NDRG1: variants seen among roughly 807,000 people sequenced by gnomAD.
NDRG1 encodes N-myc downstream regulated 1.
In NDRG1, 32 loss-of-function variants were observed where a neutral mutation model predicts 56.9. The observed-to-expected ratio is 0.56, with a 90% CI of 0.42 to 0.76. The LOEUF (loss-of-function observed/expected upper bound fraction) is 0.76, where lower values mean the gene tolerates loss of function less well. Among genes scored for constraint, NDRG1 ranks in the 30% least tolerant of loss-of-function variants. The pLI is 0.00. For missense variants in NDRG1, 507 were observed against 545.7 expected (o/e 0.93, Z 0.71); for synonymous variants, 211 against 204.1 (o/e 1.03, Z -0.29).
chr8:133,238,511 G>A lies in NDRG1; in HGVS notation c.*367C>T, dbSNP rs1162395929. On this transcript the variant is annotated 3_prime_UTR_variant, in exon 16 of 16. Transcript: ENST00000323851. ...CGGCTGGCCTTCTGACCAGGCACCC[G>A]TTTGAACCAGGATGCTCAGGGCGGC... 1.9e-5 allele frequency: 6 copies of A among 308,618 alleles called. No individual in the cohort carries two copies. The highest frequency in any genetic ancestry group is 1.0e-4 in the East Asian group (2 of 19,984). The allele number at this position is 308,618 out of a possible 1,614,324, so 19.1% of individuals were successfully genotyped here.
intron 3 of NDRG1, among the ~76,000 whole-genome samples, chr8:133,269,502 G>T (rs867915796): frequency 3.9e-5 from 6 of 152,192 alleles, no homozygotes; most frequent in Admixed American, 6.5e-5. Context: ...TTTCTCACAC[G>T]TGTTTTCTCA....
chr8:133,242,293 G>A (rs536335491), intron 14 of NDRG1, among the ~76,000 whole-genome samples: 1 of 152,330 alleles, frequency 6.6e-6, no homozygotes, highest in East Asian at 1.9e-4. Context: ...TGACCTGTCT[G>A]AGCCAGTTTC....
At chr8:133,259,858 A>G (rs1563625242) in intron 5 of NDRG1, among the ~76,000 whole-genome samples, 1 of 152,110 alleles carries the variant, frequency 6.6e-6, no homozygotes, top group Non-Finnish European at 1.5e-5. Flanking sequence ...CGAAACAGAG[A>G]CCTGCCGTGC....
chr8:133,258,602 C>A (rs1856503403), intron 6 of NDRG1, among the ~76,000 whole-genome samples, 176 bp from the exon 7 acceptor site: 1 of 152,206 alleles, frequency 6.6e-6, no homozygotes, highest in African/African-American at 2.4e-5. Flanking sequence ...GAGACCTCGA[C>A]CTTGGAGAGC....
chr8:133,247,736 G>A, intron 12 of NDRG1, 139 bp downstream of exon 12: 1 of 918,530 alleles, frequency 1.1e-6, no homozygotes, highest in Admixed American at 1.9e-5. Flanking sequence ...TCTGCCCAAA[G>A]GCCAATATGG....
intron 7 of NDRG1, among the ~76,000 whole-genome samples, chr8:133,257,324 GAGAC>G (rs1345866517): frequency 4.6e-5 from 7 of 150,622 alleles, no homozygotes; most frequent in Non-Finnish European, 1.0e-4. Context: ...CACAGAGAGA[GAGAC>G]AGAGTTATGC....
intron 3 of NDRG1, among the ~76,000 whole-genome samples, chr8:133,265,910 T>C (rs1345541577): frequency 6.6e-6 from 1 of 152,196 alleles, no homozygotes; most frequent in African/African-American, 2.4e-5. Context: ...GTCACTCATC[T>C]CCCTTGAGCA....
chr8:133,293,981 G>A (rs1046651871), intron 1 of NDRG1, among the ~76,000 whole-genome samples: 6 of 152,138 alleles, frequency 3.9e-5, no homozygotes, highest in African/African-American at 7.2e-5. Context: ...TGTCTTCTGC[G>A]GGTGCTACTG....
rs1231796006 is a variant in NDRG1 at position 133,254,606 on chromosome 8, G to A, written c.538-11C>T. The A allele has an allele frequency of 1.9e-6, 3 of 1,613,642 alleles. No homozygotes were observed. The highest frequency in any genetic ancestry group is 1.6e-4 in the Middle Eastern group (1 of 6,082). On this transcript the variant is annotated splice_polypyrimidine_tract_variant and intron_variant, in intron 8 of 15. Transcript: ENST00000323851. The stretch of plus-strand genomic sequence containing the variant: ...GGTCCATCCTGAGATCTGGAAAGGA[G>A]TAAAGTGGGTGGATGAGAAACCAGG...
intron 1 of NDRG1, among the ~76,000 whole-genome samples, chr8:133,288,827 A>G (rs1586498814): frequency 6.6e-6 from 1 of 151,660 alleles, no homozygotes; most frequent in African/African-American, 2.4e-5. Flanking sequence ...CACAGAAGAA[A>G]CCCCTCCAGC....
chr8:133,286,374 T>G (rs1362740009), intron 1 of NDRG1, among the ~76,000 whole-genome samples: 32 of 152,216 alleles, frequency 2.1e-4, no homozygotes, highest in Admixed American at 2.1e-3. Flanking sequence ...CCAGAAACCG[T>G]GATCACATTA....
At chr8:133,264,171 T>C (rs1353371402) in intron 4 of NDRG1, among the ~76,000 whole-genome samples, 3 of 152,158 alleles carry the variant, frequency 2.0e-5, no homozygotes, top group Admixed American at 2.0e-4. Context: ...GGGTCAGTCA[T>C]CTGAGGGTGG....
intron 3 of NDRG1, among the ~76,000 whole-genome samples, chr8:133,274,283 G>A (rs1157851551): frequency 2.0e-5 from 3 of 152,230 alleles, no homozygotes; most frequent in South Asian, 4.1e-4. Context: ...CCTCAGTGCC[G>A]AGCTCTGGGC....
intron 3 of NDRG1, among the ~76,000 whole-genome samples, chr8:133,276,942 C>T (rs557967875): frequency 3.3e-5 from 5 of 152,230 alleles, no homozygotes; most frequent in Middle Eastern, 3.4e-3. Context: ...TGTCCACCAA[C>T]GGACAAATGG....
At position 133,246,619 on chromosome 8, in the gene NDRG1, G is replaced by A. The variant is rs376272911; in HGVS notation, c.852C>T (p.Leu284=). ...SKLDPTKTTL[L]KMADCGGLPQ... ...ACCCCCACTGTTTTCCCTGTACCTT[G>A]AGGAGAGTGGTCTTTGTTGGGTCCA... The change falls in exon 13 of 16, where the codon CTC becomes CTT. Residue 284 remains leucine, a synonymous_variant. Coordinates refer to ENST00000323851, the MANE Select transcript of NDRG1 (RefSeq NM_006096.4). The A allele has an allele frequency of 3.7e-6, 6 of 1,614,000 alleles. No individual in the cohort carries two copies. In the African/African-American group the frequency reaches 4.0e-5, roughly 11 times the overall value.
At chr8:133,259,756 C>T (rs185454123) in intron 5 of NDRG1, among the ~76,000 whole-genome samples, 1 of 152,276 alleles carries the variant, frequency 6.6e-6, no homozygotes, top group East Asian at 1.9e-4. Flanking sequence ...GAGGCAATGG[C>T]AGGGGTCTGT....
At chr8:133,243,276 G>T (rs940895762) in intron 14 of NDRG1, among the ~76,000 whole-genome samples, 2 of 152,214 alleles carry the variant, frequency 1.3e-5, no homozygotes, top group African/African-American at 4.8e-5. Flanking sequence ...GCAGGTCAGG[G>T]CTGCAGGGAA....
At chr8:133,250,649 A>C in intron 9 of NDRG1, 106 bp from the exon 10 acceptor site, 1 of 976,930 alleles carries the variant, frequency 1.0e-6, no homozygotes, top group Non-Finnish European at 1.6e-6. Context: ...AAAGATAATA[A>C]TGCCTAATCC....
At chr8:133,288,985 G>A (rs554009290) in intron 1 of NDRG1, among the ~76,000 whole-genome samples, 14 of 152,340 alleles carry the variant, frequency 9.2e-5, no homozygotes, top group African/African-American at 3.4e-4. Flanking sequence ...GCGAAAGGTA[G>A]CCAGGAGCTG....
Sources: gnomAD v4.1 joint callset for allele counts (sites outside exome capture counted in the v4.1 genomes callset) on GRCh38, gnomAD v4.1.1 for gene constraint, MANE v1.5 for transcripts, NCBI Gene and HGNC (gene_info 2026-07-23, HGNC 2026-07-21) for gene names.